Variants in KIAA2012 observed in about 807,000 individuals in gnomAD.
KIAA2012 encodes the protein KIAA2012, also known as uncharacterized protein KIAA2012.
KIAA2012 carries 125 observed loss-of-function variants against 150.6 expected under a neutral mutation model. That is an observed-to-expected ratio of 0.83 (90% CI 0.72 to 0.96). KIAA2012 has a LOEUF of 0.96. Ranked by LOEUF, KIAA2012 falls within the 40% of genes least tolerant of loss-of-function variation. The pLI, the probability that KIAA2012 is intolerant of heterozygous loss-of-function variation, is 0.00. For synonymous variants in KIAA2012, 462 were observed against 504.7 expected (o/e 0.92, Z 1.13); for missense variants, 1,219 against 1,354.9 (o/e 0.90, Z 1.57).
chr2:202,091,550 T>G (rs891695882), intron 3 of KIAA2012, among the ~76,000 whole-genome samples: 3 of 152,022 alleles, frequency 2.0e-5, no homozygotes, highest in Non-Finnish European at 4.4e-5. Context: ...AAAACAAAAA[T>G]GGGAAGTGGT....
In KIAA2012 at chr2:202,099,795, C is replaced by T. The variant is rs999918339; in HGVS notation, c.1011C>T (p.Ser337=). The change falls in exon 6 of 24, where the codon AGC becomes AGT. Residue 337 remains serine (S), a splice_region_variant and synonymous_variant. Coordinates refer to ENST00000498697, the MANE Select transcript of KIAA2012 (RefSeq NM_001277372.4). ...GAFPNRKADL[S]DKQRNVKLHK... ...TCCCTAATAGGAAGGCAGATCTCAGCGGTAAGAACTCAAATGTCTTGCTCA... is the reference window on the plus strand; with the variant it reads ...TCCCTAATAGGAAGGCAGATCTCAGTGGTAAGAACTCAAATGTCTTGCTCA... 2.1e-5 allele frequency: 33 copies of T among 1,547,640 alleles called. No individual in the cohort carries two copies. The highest frequency in any genetic ancestry group is 4.1e-5 in the African/African-American group (3 of 72,890).
chr2:202,142,479 G>C (rs1691213775), intron 13 of KIAA2012, among the ~76,000 whole-genome samples: 3 of 152,196 alleles, frequency 2.0e-5, no homozygotes. Context: ...TGTAACATCA[G>C]AGAAATGATT....
intron 15 of KIAA2012, among the ~76,000 whole-genome samples, chr2:202,177,397 A>G (rs926411921): frequency 2.0e-5 from 3 of 152,214 alleles, no homozygotes; most frequent in African/African-American, 7.2e-5. Context: ...TTGTGATGCT[A>G]TAACAGAATG....
intron 14 of KIAA2012, among the ~76,000 whole-genome samples, chr2:202,156,589 A>G (rs1447638718): frequency 6.6e-6 from 1 of 152,176 alleles, no homozygotes; most frequent in Non-Finnish European, 1.5e-5. Flanking sequence ...CAAAGGTGAT[A>G]GCTGCTAAGG....
chr2:202,147,299 T>C (rs1691321572), intron 13 of KIAA2012, among the ~76,000 whole-genome samples: 1 of 152,198 alleles, frequency 6.6e-6, no homozygotes, highest in Non-Finnish European at 1.5e-5. Context: ...TCATACCTCT[T>C]TGTGAAAGTT....
chr2:202,097,620 C>G (rs887411444), intron 5 of KIAA2012, 43 bp downstream of exon 5: 2 of 1,537,136 alleles, frequency 1.3e-6, no homozygotes, highest in East Asian at 4.9e-5. Context: ...GACGGAGTCT[C>G]ACTCTGTCAC....
At chr2:202,125,171 G>C (rs1396672394) in intron 11 of KIAA2012, 43 bp from the exon 12 acceptor site, 1 of 1,475,836 alleles carries the variant, frequency 6.8e-7, no homozygotes, top group African/African-American at 1.4e-5. Context: ...ATTTTTACAA[G>C]ACTTTTTCCC....
At chr2:202,100,963 C>T (rs1232718824) in intron 7 of KIAA2012, among the ~76,000 whole-genome samples, 1 of 152,138 alleles carries the variant, frequency 6.6e-6, no homozygotes, top group African/African-American at 2.4e-5. Flanking sequence ...CCTGGTCCTG[C>T]CTTGCAGTTC....
chr2:202,190,791 G>T (rs1048441919), intron 19 of KIAA2012, among the ~76,000 whole-genome samples: 1 of 152,140 alleles, frequency 6.6e-6, no homozygotes, highest in Non-Finnish European at 1.5e-5. Context: ...ATCTCTGAGA[G>T]GTGCAGGACT....
intron 8 of KIAA2012, among the ~76,000 whole-genome samples, chr2:202,105,269 G>GAGGGAAGGAAGGGAAGGA (rs60374486): frequency 9.3e-5 from 14 of 150,334 alleles, no homozygotes; most frequent in Non-Finnish European, 1.9e-4. Context: ...GGAAAGGAAG[G>GAGGGAAGGAAGGGAAGGA]AGGGAAGGAA....
chr2:202,074,792 T>A, intron 1 of KIAA2012, 99 bp from the exon 2 acceptor site: 1 of 1,226,796 alleles, frequency 8.2e-7, no homozygotes, highest in Non-Finnish European at 1.1e-6. Context: ...TCAGAGAAAA[T>A]CAGTAACTAA....
intron 15 of KIAA2012, among the ~76,000 whole-genome samples, chr2:202,181,744 G>T (rs1302442712): frequency 6.6e-6 from 1 of 152,116 alleles, no homozygotes; most frequent in East Asian, 1.9e-4. Flanking sequence ...GTTGTATATG[G>T]GTAGAGTGAG....
At chr2:202,191,369 A>G (rs181971360) in intron 19 of KIAA2012, among the ~76,000 whole-genome samples, 174 of 152,090 alleles carry the variant, frequency 1.1e-3, no homozygotes, top group Non-Finnish European at 1.3e-3. Flanking sequence ...AGTGTAAGGA[A>G]AAATTACCCT....
chr2:202,119,668 G>T (rs1690613163), intron 11 of KIAA2012, among the ~76,000 whole-genome samples: 1 of 152,160 alleles, frequency 6.6e-6, no homozygotes, highest in African/African-American at 2.4e-5. Flanking sequence ...AGGAGTGGGG[G>T]TGGGGGACTA....
chr2:202,081,507 A>C (rs895359848), intron 2 of KIAA2012, among the ~76,000 whole-genome samples: 1 of 150,108 alleles, frequency 6.7e-6, no homozygotes, highest in Non-Finnish European at 1.5e-5. Flanking sequence ...CCATATCCTC[A>C]TCAACACTTG....
intron 2 of KIAA2012, among the ~76,000 whole-genome samples, chr2:202,083,025 T>C (rs779045587): frequency 2.0e-5 from 3 of 152,164 alleles, no homozygotes; most frequent in Admixed American, 2.0e-4. Flanking sequence ...GAAGCCTAAT[T>C]TTTGCTGCTA....
intron 15 of KIAA2012, among the ~76,000 whole-genome samples, chr2:202,175,268 G>A (rs1174118867): frequency 2.0e-5 from 3 of 152,246 alleles, no homozygotes; most frequent in Middle Eastern, 3.4e-3. Flanking sequence ...ATCAGATTCC[G>A]GTTTGGTTTG....
chr2:202,204,652 C>G (rs1298012591), intron 23 of KIAA2012, among the ~76,000 whole-genome samples: 1 of 152,150 alleles, frequency 6.6e-6, no homozygotes, highest in East Asian at 1.9e-4. Context: ...TACACCTTTA[C>G]AACCCAGAAA....
intron 13 of KIAA2012, among the ~76,000 whole-genome samples, chr2:202,151,354 G>T (rs368485082): frequency 1.3e-5 from 2 of 152,058 alleles, no homozygotes; most frequent in East Asian, 3.9e-4. Flanking sequence ...CCAAGATTGC[G>T]CCACTGCACT....
Sources: allele counts gnomAD v4.1 joint callset (sites outside exome capture counted in the v4.1 genomes callset), GRCh38; gene constraint gnomAD v4.1.1; transcripts MANE v1.5; gene names NCBI Gene and HGNC (gene_info 2026-07-23, HGNC 2026-07-21).